FBXL17: variants seen among roughly 807,000 people sequenced by gnomAD.
The protein encoded by FBXL17 is F-box/LRR-repeat protein 17.
FBXL17 carries 22 observed loss-of-function variants against 66.2 expected under a neutral mutation model. That is an observed-to-expected ratio of 0.33 (90% CI 0.24 to 0.47). The LOEUF is 0.47. Among genes scored for constraint, FBXL17 ranks in the 20% least tolerant of loss-of-function variants. FBXL17 has a pLI of 1.00. For synonymous variants in FBXL17, 474 were observed against 400.5 expected (o/e 1.18, Z -2.19); for missense variants, 878 against 948.2 (o/e 0.93, Z 0.97).
At chr5:108,088,631 G>A (rs1246448569) in intron 6 of FBXL17, among the ~76,000 whole-genome samples, 3 of 138,812 alleles carry the variant, frequency 2.2e-5, no homozygotes, top group Non-Finnish European at 3.0e-5. Flanking sequence ...AACTTGGGAG[G>A]TGGAGGTTGC....
At chr5:108,114,836 A>G (rs973371805) in intron 6 of FBXL17, among the ~76,000 whole-genome samples, 1 of 152,154 alleles carries the variant, frequency 6.6e-6, no homozygotes, top group African/African-American at 2.4e-5. Context: ...ATTTTTTAAT[A>G]TTGCTCTCAA....
intron 4 of FBXL17, among the ~76,000 whole-genome samples, chr5:108,283,983 T>A (rs1254698732): frequency 6.6e-6 from 1 of 151,986 alleles, no homozygotes; most frequent in Non-Finnish European, 1.5e-5. Flanking sequence ...AAAACTGCGA[T>A]GAGATGTCAT....
chr5:107,864,171 A>C (rs543712907), intron 8 of FBXL17, among the ~76,000 whole-genome samples: 3 of 152,148 alleles, frequency 2.0e-5, no homozygotes, highest in African/African-American at 7.2e-5. Flanking sequence ...TAAAAAGCCC[A>C]CCATACAGTA....
intron 7 of FBXL17, among the ~76,000 whole-genome samples, chr5:107,948,947 A>C (rs1751404836): frequency 6.6e-6 from 1 of 152,200 alleles, no homozygotes; most frequent in Non-Finnish European, 1.5e-5. Context: ...ACTTCAAAAA[A>C]ACTAATGAAG....
chr5:107,864,519 T>C (rs1305549975), intron 8 of FBXL17, among the ~76,000 whole-genome samples: 1 of 152,186 alleles, frequency 6.6e-6, no homozygotes, highest in African/African-American at 2.4e-5. Context: ...CCATCTCATG[T>C]TGAAATGTGA....
intron 6 of FBXL17, among the ~76,000 whole-genome samples, chr5:108,155,737 C>G (rs1751969940): frequency 6.6e-6 from 1 of 151,746 alleles, no homozygotes; most frequent in Non-Finnish European, 1.5e-5. Context: ...GCCTAAAATG[C>G]CATCAGAGTT....
chr5:108,194,334 C>A (rs921920548), intron 5 of FBXL17, among the ~76,000 whole-genome samples: 20 of 152,040 alleles, frequency 1.3e-4, no homozygotes, highest in Admixed American at 3.9e-4. Flanking sequence ...TGGTTCAAAT[C>A]TCATCTTCTC....
intron 5 of FBXL17, among the ~76,000 whole-genome samples, chr5:108,210,798 G>T (rs1754336744): frequency 6.6e-6 from 1 of 152,176 alleles, no homozygotes; most frequent in Non-Finnish European, 1.5e-5. Flanking sequence ...TTGATTTGGG[G>T]TGGAGAGTTC....
intron 6 of FBXL17, among the ~76,000 whole-genome samples, chr5:108,106,422 A>C (rs1361569827): frequency 2.0e-5 from 3 of 152,234 alleles, no homozygotes; most frequent in African/African-American, 7.2e-5. Context: ...GTATATATCC[A>C]AGAGAAATGG....
At position 108,376,304 on chromosome 5, in the gene FBXL17, G is replaced by A. The variant is rs1209916111; in HGVS notation, c.993+4395C>T. Among the ~76,000 whole-genome samples, 14 of 152,252 alleles carry A rather than the reference G, an allele frequency of 9.2e-5. 1 individual carries two copies. In the East Asian group the frequency reaches 2.5e-3, roughly 27 times the overall value. ...AATTAGACATGGAATATAAACAAAAGGCATCCAGATTGGGGAGCTGGAATT... is the reference window on the plus strand; with the variant it reads ...AATTAGACATGGAATATAAACAAAAAGCATCCAGATTGGGGAGCTGGAATT... On this transcript the variant is annotated intron_variant, in intron 1 of 8. Coordinates refer to ENST00000542267, the MANE Select transcript of FBXL17 (RefSeq NM_001163315.3).
chr5:108,009,942 T>C (rs1198824708), intron 7 of FBXL17, among the ~76,000 whole-genome samples: 4 of 152,170 alleles, frequency 2.6e-5, no homozygotes, highest in Non-Finnish European at 5.9e-5. Context: ...ACCTCGAGAA[T>C]AGTGTCCATT....
At chr5:108,271,747 T>C (rs1440993101) in intron 4 of FBXL17, among the ~76,000 whole-genome samples, 3 of 152,220 alleles carry the variant, frequency 2.0e-5, no homozygotes, top group African/African-American at 7.2e-5. Flanking sequence ...TGCTTTCATC[T>C]AGTTGGAAAA....
At chr5:108,117,759 T>A (rs1461625218) in intron 6 of FBXL17, among the ~76,000 whole-genome samples, 2 of 152,124 alleles carry the variant, frequency 1.3e-5, no homozygotes, top group African/African-American at 4.8e-5. Context: ...CTCTCGGAAA[T>A]CCCTGGCCTA....
intron 7 of FBXL17, among the ~76,000 whole-genome samples, chr5:107,973,354 A>ATTTT (rs200079422): frequency 1.2e-4 from 15 of 120,430 alleles, no homozygotes; most frequent in East Asian, 4.6e-4. Context: ...TTTTTTTGTA[A>ATTTT]TTTTTTTTTT....
chr5:108,074,164 G>T (rs919947013), intron 6 of FBXL17, among the ~76,000 whole-genome samples: 1 of 152,088 alleles, frequency 6.6e-6, no homozygotes, highest in African/African-American at 2.4e-5. Flanking sequence ...TAATATGAGC[G>T]GTCCATTTTG....
chr5:108,376,798 T>C (rs1018533836), intron 1 of FBXL17, among the ~76,000 whole-genome samples: 1 of 150,732 alleles, frequency 6.6e-6, no homozygotes, highest in Non-Finnish European at 1.5e-5. Context: ...TTTTTTTTTT[T>C]TTTTTTTGAG....
At chr5:108,151,400 G>C (rs1366921267) in intron 6 of FBXL17, among the ~76,000 whole-genome samples, 2 of 152,038 alleles carry the variant, frequency 1.3e-5, no homozygotes, top group Non-Finnish European at 2.9e-5. Flanking sequence ...CTCCTAACTT[G>C]TCCCAAAAAA....
intron 6 of FBXL17, among the ~76,000 whole-genome samples, chr5:108,121,723 A>C (rs1199118690): frequency 6.6e-6 from 1 of 151,898 alleles, no homozygotes; most frequent in Non-Finnish European, 1.5e-5. Context: ...CGCCTGGCTA[A>C]TTTTTTTGTA....
intron 4 of FBXL17, among the ~76,000 whole-genome samples, chr5:108,263,558 A>T (rs1210378326): frequency 6.6e-6 from 1 of 152,186 alleles, no homozygotes; most frequent in Non-Finnish European, 1.5e-5. Context: ...TTTTACTTTC[A>T]CTAATCTCTA....
Sources: allele counts gnomAD v4.1 joint callset (sites outside exome capture counted in the v4.1 genomes callset), GRCh38; gene constraint gnomAD v4.1.1; transcripts MANE v1.5; gene names NCBI Gene and HGNC (gene_info 2026-07-23, HGNC 2026-07-21).